Variants in TSPAN32 observed in about 807,000 individuals in gnomAD.
TSPAN32 encodes tetraspanin 32, also known as tetraspanin-32.
A neutral mutation model predicts 42.7 loss-of-function variants in TSPAN32; 47 were observed. The observed-to-expected ratio is 1.10, with a 90% CI of 0.87 to 1.40. The LOEUF is 1.40. Ranked by LOEUF, TSPAN32 falls within the 40% of genes most tolerant of loss-of-function variation. The pLI is 0.00. For synonymous variants in TSPAN32, 175 were observed against 175.9 expected (o/e 0.99, Z 0.04); for missense variants, 469 against 424.1 (o/e 1.11, Z -0.93).
chr11:2,317,650 G>C lies in TSPAN32; in HGVS notation c.901+125G>C. ...CCATTGGGAACAGATGCAAGGGTAA[G>C]GGGTAGCTCACCAAATCCCTCCATG... On this transcript the variant is annotated intron_variant, in intron 9 of 9. Transcript: ENST00000182290. This position sits in a 1 kb window ranked among gnomAD's most constrained non-coding sequence, Gnocchi z 6.2. 1.4e-6 allele frequency: 2 copies of C among 1,479,270 alleles called. No individual in the cohort carries two copies. The highest frequency in any genetic ancestry group is 1.8e-6 in the Non-Finnish European group (2 of 1,121,972). 91.6% of individuals were successfully genotyped at this position (1,479,270 alleles called of 1,614,324 possible). A position where few individuals can be genotyped will look rare whatever the true frequency, so the allele number is the denominator to read the frequency against.
At chr11:2,316,339 C>T (rs1318511610) in intron 7 of TSPAN32, 27 bp downstream of exon 7, 1 of 1,575,702 alleles carries the variant, frequency 6.3e-7, no homozygotes. Context: ...CTCACTGCCC[C>T]TTCCCACCTC....
intron 3 of TSPAN32, among the ~76,000 whole-genome samples, chr11:2,308,491 C>T (rs1186049863): frequency 4.3e-4 from 3 of 7,058 alleles, no homozygotes; most frequent in African/African-American, 3.1e-3. Flanking sequence ...CCATAGTGAC[C>T]GGCCCCCCAC....
At position 2,315,202 on chromosome 11, in the gene TSPAN32, C is replaced by T. The variant is rs181091006; in HGVS notation, c.543+631C>T. The T allele has an allele frequency of 3.8e-4, 425 of 1,120,688 alleles. 1 individual carries two copies. In the African/African-American group the frequency reaches 5.0e-3, roughly 13 times the overall value. 69.4% of individuals were successfully genotyped at this position (1,120,688 alleles called of 1,614,324 possible). ...CCCCCTCCCTGCTCCCCTCCCCGCTCCCCTCCCCTACTGTCCTGGAAACAA... is the reference window on the plus strand; with the variant it reads ...CCCCCTCCCTGCTCCCCTCCCCGCTTCCCTCCCCTACTGTCCTGGAAACAA... On this transcript the variant is annotated intron_variant, in intron 6 of 9. Transcript: ENST00000182290.
At chr11:2,306,540 G>A (rs1047150999) in intron 3 of TSPAN32, among the ~76,000 whole-genome samples, 1 of 129,998 alleles carries the variant, frequency 7.7e-6, no homozygotes, top group Non-Finnish European at 1.7e-5. Flanking sequence ...GGTTGGTGGT[G>A]GGGGGAGAGA....
In TSPAN32 at chr11:2,308,826, C is replaced by T; in HGVS notation, c.354+16C>T. 1 of 1,544,508 alleles carries T rather than the reference C, an allele frequency of 6.5e-7. No individual in the cohort carries two copies. The highest frequency in any genetic ancestry group is 8.8e-7 in the Non-Finnish European group (1 of 1,138,306). ...CCCCACCCAGGTGAGCACCAGCTGC[C>T]CCTACCCTGCAGTGGAGGGTCCCCC... is the stretch of plus-strand genomic sequence containing the variant. On this transcript the variant is annotated intron_variant, in intron 4 of 9. Coordinates refer to ENST00000182290, the MANE Select transcript of TSPAN32 (RefSeq NM_139022.3).
At position 2,302,233 on chromosome 11, in the gene TSPAN32, C is replaced by T. The variant is rs372804464; in HGVS notation, c.66+18C>T. ...TTATCTTGGTAACAGGCAGGTCGGG[C>T]AGGAGTGGGTGGTGGGTGGGGGTGA... On this transcript the variant is annotated intron_variant, in intron 1 of 9. Transcript: ENST00000182290. The T allele has an allele frequency of 1.5e-5, 21 of 1,376,856 alleles. No homozygotes were observed. The African/African-American group carries it at 2.5e-4, about 16-fold the overall frequency. The allele number at this position is 1,376,856 out of a possible 1,614,324, so 85.3% of individuals were successfully genotyped here. A position where few individuals can be genotyped will look rare whatever the true frequency, so the allele number is the denominator to read the frequency against.
chr11:2,312,063 GA>G (rs1310094935), intron 4 of TSPAN32, among the ~76,000 whole-genome samples: 1 of 150,400 alleles, frequency 6.6e-6, no homozygotes, highest in Non-Finnish European at 1.5e-5. Context: ...AGGGCAGGCA[GA>G]GCCAGGCAGG....
chr11:2,306,035 TGCAG>T (rs1175521665), intron 3 of TSPAN32, among the ~76,000 whole-genome samples: 3 of 147,758 alleles, frequency 2.0e-5, no homozygotes, highest in Non-Finnish European at 4.5e-5. Flanking sequence ...TGTGTGCGTG[TGCAG>T]GTGCCTCTGT....
rs1314320090 is a variant in TSPAN32 at position 2,313,714 on chromosome 11, T to C, written c.415T>C (p.Ser139Pro). 2 of 1,607,798 alleles carry C rather than the reference T, an allele frequency of 1.2e-6. No individual in the cohort carries two copies. The highest frequency in any genetic ancestry group is 1.7e-4 in the Middle Eastern group (1 of 6,058). ...ATATGAGCAGGCGATGAAAGGTACG[T>C]CCCACGTCCGGCGGCAGGAGCTGGC... is the stretch of plus-strand genomic sequence containing the variant. ...LVYEQAMKGT[S>P]HVRRQELAAI... Residue 139 changes from serine to proline, a missense_variant, in exon 5 of 10, where the codon TCC (serine) becomes CCC (proline). Physicochemically the swap from Ser to Pro is moderately conservative, Grantham distance 74. Transcript: ENST00000182290. This position sits in a 1 kb window ranked among gnomAD's most constrained non-coding sequence, Gnocchi z 9.1.
At position 2,313,674 on chromosome 11, in the gene TSPAN32, CACCTACG is replaced by C. The variant is rs779134770; in HGVS notation, c.380_386del (p.Tyr127TrpfsTer7). The C allele has an allele frequency of 1.2e-6, 2 of 1,607,798 alleles. No homozygotes were observed. The highest frequency in any genetic ancestry group is 3.4e-5 in the Admixed American group (2 of 59,444). On this transcript the variant is annotated frameshift_variant, in exon 5 of 10. Transcript: ENST00000182290. LOFTEE classifies it high-confidence loss of function. This position sits in a 1 kb window ranked among gnomAD's most constrained non-coding sequence, Gnocchi z 9.1. ...TGCAGGTGGAGGACGCCATGCTGGA[CACCTACG>C]ACCTGGTATATGAGCAGGCGATGAA...
chr11:2,317,214 C>G lies in TSPAN32; in HGVS notation c.720-130C>G. ...CTCACAGTCCCCCTAGAACATTCCA[C>G]AGCAGCTCCATAATCCCCTCCAGAA... On this transcript the variant is annotated intron_variant, in intron 8 of 9. Transcript: ENST00000182290. The surrounding 1 kb of genome is among the most constrained non-coding windows in gnomAD (Gnocchi z 6.2). 1.4e-6 allele frequency: 1 copy of G among 717,236 alleles called. No individual in the cohort carries two copies. Among genetic ancestry groups the G allele is most frequent in the East Asian group, 2.7e-5 (1 of 36,942 alleles). The allele number at this position is 717,236 out of a possible 1,614,324, so 44.4% of individuals were successfully genotyped here.
chr11:2,302,841 C>T lies in TSPAN32; in HGVS notation c.67-3C>T, dbSNP rs1847838724. 6.2e-7 allele frequency: 1 copy of T among 1,612,890 alleles called. No homozygotes were observed. The highest frequency in any genetic ancestry group is 1.3e-5 in the African/African-American group (1 of 75,020). ...CCACACTCTGAGTCTGCCCTATCCA[C>T]AGCTGCTGGGCCTCTCTGTGGCCAC... On this transcript the variant is annotated splice_region_variant and splice_polypyrimidine_tract_variant and intron_variant, in intron 1 of 9. Transcript: ENST00000182290.
intron 1 of TSPAN32, 67 bp from the exon 2 acceptor site, chr11:2,302,777 C>A: frequency 1.5e-6 from 2 of 1,371,652 alleles, no homozygotes; most frequent in South Asian, 1.2e-5. Flanking sequence ...ACCCTGCCCG[C>A]TGGGGCCGAG....
chr11:2,316,131 C>A, intron 6 of TSPAN32, 98 bp from the exon 7 acceptor site: 1 of 1,519,566 alleles, frequency 6.6e-7, no homozygotes. Flanking sequence ...CTGGCATTGG[C>A]CTAGGTGGGC....
rs749352222 is a variant in TSPAN32, at chr11:2,317,362, C to T, written c.738C>T (p.Pro246=). 6.3e-7 allele frequency: 1 copy of T among 1,594,668 alleles called. No homozygotes were observed. Among genetic ancestry groups the T allele is most frequent in the Admixed American group, 1.7e-5 (1 of 57,474 alleles). The change falls in exon 9 of 10, where the codon CCC becomes CCT. Residue 246 remains proline (P), a synonymous_variant. Transcript: ENST00000182290. This position sits in a 1 kb window ranked among gnomAD's most constrained non-coding sequence, Gnocchi z 6.2. ...TLTPRACGRQ[P]QEPSLLRCSQ... ...TCCTCAGAGCATGTGGCCGCCAGCC[C>T]CAGGAGCCCAGCCTCTTGAGATGCT...
chr11:2,312,562 G>T (rs1317541820), intron 4 of TSPAN32, among the ~76,000 whole-genome samples: 2 of 152,234 alleles, frequency 1.3e-5, no homozygotes, highest in East Asian at 3.8e-4. Context: ...TCTGACTCCT[G>T]TTGGGGCCTC....
intron 6 of TSPAN32, 99 bp downstream of exon 6, chr11:2,314,670 C>A: frequency 1.1e-6 from 1 of 948,428 alleles, no homozygotes; most frequent in South Asian, 1.5e-5. Context: ...CACCCCACCC[C>A]TTGGCCTCCC....
intron 7 of TSPAN32, 130 bp downstream of exon 7, chr11:2,316,442 G>A: frequency 6.4e-7 from 1 of 1,552,572 alleles, no homozygotes; most frequent in Non-Finnish European, 8.7e-7. Flanking sequence ...CCAACCTCAG[G>A]GAGCTGCTCT....
chr11:2,309,254 C>G, intron 4 of TSPAN32: 1 of 444,734 alleles, frequency 2.2e-6, no homozygotes, highest in Non-Finnish European at 4.8e-6. Context: ...CAGACGGTAC[C>G]AGTGGGGAAG....
Sources: gnomAD v4.1 joint callset for allele counts (sites outside exome capture counted in the v4.1 genomes callset) on GRCh38, gnomAD v4.1.1 for gene constraint, Gnocchi (gnomAD v3.1) non-coding constraint, MANE v1.5 for transcripts, NCBI Gene and HGNC (gene_info 2026-07-23, HGNC 2026-07-21) for gene names.